DSCAM: variants seen among roughly 807,000 people sequenced by gnomAD.
DSCAM encodes cell adhesion molecule DSCAM.
A neutral mutation model predicts 217.7 loss-of-function variants in DSCAM; 47 were observed. The ratio of observed to expected loss-of-function variants is 0.22; its 90% CI spans 0.17 to 0.28. DSCAM has a LOEUF of 0.28. DSCAM is among the 10% of genes least tolerant of loss of function. DSCAM has a pLI of 1.00. For missense variants in DSCAM, 2,080 were observed against 2,618.3 expected, an observed-to-expected ratio of 0.79 and a Z score of 4.49; for synonymous variants, 1,056 against 1,015.3, an observed-to-expected ratio of 1.04 and a Z score of -0.76.
chr21:40,497,366 G>A (rs1034086090), intron 3 of DSCAM, among the ~76,000 whole-genome samples: 3 of 150,196 alleles, frequency 2.0e-5, no homozygotes, highest in African/African-American at 7.3e-5. Flanking sequence ...AGTAAAATAA[G>A]CCAGACACAA....
intron 3 of DSCAM, among the ~76,000 whole-genome samples, chr21:40,439,352 G>C (rs772099260): frequency 6.6e-6 from 1 of 152,212 alleles, no homozygotes; most frequent in Non-Finnish European, 1.5e-5. Flanking sequence ...ATCAGGCCTG[G>C]ATCCCACTGT....
Position 40,670,536 on chromosome 21 carries a change from C to CAA in DSCAM, c.508+22272_508+22273dup, listed in dbSNP as rs56321584. On this transcript the variant is annotated intron_variant, in intron 3 of 32. Coordinates refer to ENST00000400454, the MANE Select transcript of DSCAM (RefSeq NM_001389.5). ...CTGGTGACAGAGCGAGACTCCGTCT[C>CAA]AAAAAAAAAAAAAAGTGACTACTTT... Among the ~76,000 whole-genome samples the CAA allele has an allele frequency of 3.7e-4, 51 of 136,118 alleles. 3 individuals are homozygous for CAA. The highest frequency in any genetic ancestry group is 4.0e-3 in the Middle Eastern group (1 of 252). The allele number at this position is 136,118 out of a possible 152,430, so 89.3% of individuals were successfully genotyped here.
intron 27 of DSCAM, among the ~76,000 whole-genome samples, chr21:40,074,407 G>A (rs554450860): frequency 1.3e-5 from 2 of 152,350 alleles, no homozygotes; most frequent in South Asian, 4.1e-4. Flanking sequence ...GCAAGGGCAA[G>A]TAAGGGCTCT....
At chr21:40,623,186 G>A (rs1380835691) in intron 3 of DSCAM, among the ~76,000 whole-genome samples, 3 of 152,036 alleles carry the variant, frequency 2.0e-5, no homozygotes, top group Non-Finnish European at 2.9e-5. Flanking sequence ...GATCTGAAGC[G>A]GGGCCCTGGC....
intron 9 of DSCAM, among the ~76,000 whole-genome samples, chr21:40,309,142 T>C (rs2074111173): frequency 6.6e-6 from 1 of 152,310 alleles, no homozygotes; most frequent in Admixed American, 6.5e-5. Flanking sequence ...TCCAACTTTG[T>C]CTCCATTTTA....
intron 3 of DSCAM, among the ~76,000 whole-genome samples, chr21:40,496,435 C>T (rs758849005): frequency 2.3e-4 from 35 of 152,262 alleles, no homozygotes; most frequent in Admixed American, 1.2e-3. Flanking sequence ...AAAGAACAAT[C>T]TTAAATAAAT....
intron 3 of DSCAM, among the ~76,000 whole-genome samples, chr21:40,475,906 TTGTG>T (rs948508359): frequency 6.6e-6 from 1 of 152,170 alleles, no homozygotes; most frequent in East Asian, 1.9e-4. Flanking sequence ...CAAGTTTCTT[TTGTG>T]TGTAAGTTGG....
intron 4 of DSCAM, among the ~76,000 whole-genome samples, chr21:40,362,521 G>A (rs1376318852): frequency 6.6e-6 from 1 of 152,156 alleles, no homozygotes; most frequent in African/African-American, 2.4e-5. Flanking sequence ...ATTGTTCAGT[G>A]AGGTCAGATG....
intron 1 of DSCAM, among the ~76,000 whole-genome samples, chr21:40,727,803 A>C (rs1028620825): frequency 9.2e-5 from 14 of 152,262 alleles, no homozygotes; most frequent in East Asian, 7.7e-4. Context: ...TTCTCCAGGT[A>C]AAAGCCTATC....
At chr21:40,110,465 A>G (rs2089882334) in intron 20 of DSCAM, among the ~76,000 whole-genome samples, 1 of 152,200 alleles carries the variant, frequency 6.6e-6, no homozygotes, top group Non-Finnish European at 1.5e-5. Flanking sequence ...AAAGATGGGG[A>G]AAAAACAGAG....
At chr21:40,107,867 T>C (rs2089841654) in intron 20 of DSCAM, among the ~76,000 whole-genome samples, 1 of 152,200 alleles carries the variant, frequency 6.6e-6, no homozygotes, top group South Asian at 2.1e-4. Context: ...TTTCTGTTTT[T>C]GATTTGCTTA....
intron 1 of DSCAM, among the ~76,000 whole-genome samples, chr21:40,715,844 T>TG (rs2090836010): frequency 6.6e-6 from 1 of 152,208 alleles, no homozygotes; most frequent in South Asian, 2.1e-4. Context: ...CGACTGTGGG[T>TG]AATTTGAACT....
chr21:40,553,418 C>A (rs1381769367), intron 3 of DSCAM, among the ~76,000 whole-genome samples: 2 of 152,172 alleles, frequency 1.3e-5, no homozygotes, highest in African/African-American at 4.8e-5. Context: ...ATGTGGAAAT[C>A]CACCAGGATT....
chr21:40,055,425 T>C (rs1252378480), intron 29 of DSCAM, among the ~76,000 whole-genome samples: 1 of 152,086 alleles, frequency 6.6e-6, no homozygotes, highest in Non-Finnish European at 1.5e-5. Context: ...TTCCTTGGAG[T>C]GGCATCCGTA....
chr21:40,673,540 T>C (rs1019006120), intron 3 of DSCAM, among the ~76,000 whole-genome samples: 24 of 152,162 alleles, frequency 1.6e-4, no homozygotes, highest in Middle Eastern at 3.2e-3. Context: ...TTCTATAGAA[T>C]AACATGAGTG....
chr21:40,686,315 ACAC>A (rs2098136909), intron 3 of DSCAM, among the ~76,000 whole-genome samples: 1 of 150,722 alleles, frequency 6.6e-6, no homozygotes, highest in African/African-American at 2.4e-5. Flanking sequence ...GCACACACAC[ACAC>A]CACATATACA....
chr21:40,403,143 A>G (rs1401120022), intron 3 of DSCAM, among the ~76,000 whole-genome samples: 1 of 152,222 alleles, frequency 6.6e-6, no homozygotes, highest in African/African-American at 2.4e-5. Context: ...ATGATGTGGA[A>G]TGATTAGAAA....
intron 11 of DSCAM, among the ~76,000 whole-genome samples, chr21:40,265,656 T>C (rs2123341519): frequency 6.6e-6 from 1 of 152,052 alleles, no homozygotes; most frequent in East Asian, 1.9e-4. Context: ...CATAGACAAA[T>C]GGAACATGAT....
At chr21:40,021,257 A>G (rs1443545089) in intron 32 of DSCAM, among the ~76,000 whole-genome samples, 2 of 151,880 alleles carry the variant, frequency 1.3e-5, no homozygotes, top group East Asian at 3.9e-4. Context: ...AGGTCGGTAG[A>G]CAGATAAAAA....
Sources: gnomAD v4.1 joint callset for allele counts (sites outside exome capture counted in the v4.1 genomes callset) on GRCh38, gnomAD v4.1.1 for gene constraint, MANE v1.5 for transcripts, NCBI Gene and HGNC (gene_info 2026-07-23, HGNC 2026-07-21) for gene names.